RPRD2: variants seen among roughly 807,000 people sequenced by gnomAD.
RPRD2 encodes the protein regulation of nuclear pre-mRNA domain containing 2.
In RPRD2, 12 loss-of-function variants were observed where a neutral mutation model predicts 104.4. The ratio of observed to expected loss-of-function variants is 0.11; its 90% CI spans 0.07 to 0.19. The LOEUF is 0.19. RPRD2 is among the 10% of genes least tolerant of loss of function. RPRD2 has a pLI of 1.00. For synonymous variants in RPRD2, 714 were observed against 684.9 expected, an observed-to-expected ratio of 1.04 and a Z score of -0.66; for missense variants, 1,543 against 1,790.1, an observed-to-expected ratio of 0.86 and a Z score of 2.49.
intron 7 of RPRD2, among the ~76,000 whole-genome samples, chr1:150,455,624 T>C (rs1401393500): frequency 8.7e-6 from 1 of 114,456 alleles, no homozygotes; most frequent in Non-Finnish European, 1.9e-5. Flanking sequence ...GAAAAGGACA[T>C]TAGGTAAAAA....
At chr1:150,462,455 C>CA (rs1309078774) in intron 9 of RPRD2, among the ~76,000 whole-genome samples, 12 of 137,862 alleles carry the variant, frequency 8.7e-5, no homozygotes, top group Non-Finnish European at 1.7e-4. Context: ...CAAAAAAAAA[C>CA]AAAAAACAAA....
intron 8 of RPRD2, among the ~76,000 whole-genome samples, chr1:150,458,935 G>C (rs1667732471): frequency 6.6e-6 from 1 of 152,170 alleles, no homozygotes; most frequent in South Asian, 2.1e-4. Context: ...GAGCCACCAT[G>C]CCCGGCCCTG....
intron 1 of RPRD2, among the ~76,000 whole-genome samples, chr1:150,366,857 T>C (rs782087641): frequency 6.6e-6 from 1 of 152,232 alleles, no homozygotes; most frequent in African/African-American, 2.4e-5. Context: ...GCTCTGGGGC[T>C]TTAACTGTAT....
At position 150,387,869 on chromosome 1, in the gene RPRD2, C is replaced by T. The variant is rs147938705; in HGVS notation, c.205+22950C>T. ...CCTCCCAAAGTGCTAGGATTACAGG[C>T]GTGAGCCACTGCTCCTGGCCATTTT... is the stretch of plus-strand genomic sequence containing the variant. On this transcript the variant is annotated intron_variant, in intron 1 of 10. Coordinates refer to ENST00000369068, the MANE Select transcript of RPRD2 (RefSeq NM_015203.5). Among the ~76,000 whole-genome samples the T allele has an allele frequency of 2.0e-5, 3 of 148,610 alleles. No individual in the cohort carries two copies. In the East Asian group the frequency reaches 5.9e-4, roughly 29 times the overall value.
At chr1:150,422,639 G>A (rs1195319915) in intron 2 of RPRD2, among the ~76,000 whole-genome samples, 3 of 152,002 alleles carry the variant, frequency 2.0e-5, no homozygotes, top group African/African-American at 7.2e-5. Context: ...AACTTTTCTC[G>A]CTTTTAAACC....
rs1323691578 is a variant in RPRD2 at position 150,447,336 on chromosome 1, T to G, written c.870+935T>G. On this transcript the variant is annotated intron_variant, in intron 7 of 10. Transcript: ENST00000369068. Reference sequence around the variant, plus strand: ...TGTAAATTGACTGAATTAAGGAACTTTTTTTTTTTTTTTTTGAGACGGAGT... The same window carrying G: ...TGTAAATTGACTGAATTAAGGAACTGTTTTTTTTTTTTTTTGAGACGGAGT... 2.5e-4 allele frequency among the ~76,000 whole-genome samples: 22 copies of G among 86,772 alleles called. No homozygotes were observed. In the East Asian group the frequency reaches 4.6e-3, roughly 18 times the overall value. The allele number at this position is 86,772 out of a possible 152,430, so 56.9% of individuals were successfully genotyped here.
At chr1:150,438,417 G>A (rs1041103584) in intron 2 of RPRD2, among the ~76,000 whole-genome samples, 1 of 152,072 alleles carries the variant, frequency 6.6e-6, no homozygotes, top group Non-Finnish European at 1.5e-5. Flanking sequence ...CTTGAGGTCG[G>A]GAGTTCAAGA....
intron 1 of RPRD2, among the ~76,000 whole-genome samples, chr1:150,369,488 G>T: frequency 9.4e-6 from 1 of 106,392 alleles, no homozygotes; most frequent in African/African-American, 3.5e-5. Flanking sequence ...ACGGAGTCTT[G>T]CTCTGTCGCC....
In RPRD2 at chr1:150,472,035, T is replaced by C. The variant is rs766224782; in HGVS notation, c.3087T>C (p.Ala1029=). Residue 1029 remains alanine, a synonymous_variant, in exon 11 of 11, where the codon GCT becomes GCC. Transcript: ENST00000369068. ...CAGATGATAAGCATTTTGGCCAGGC[T>C]CCCAGCAAGGGCACTCCAAGTGATG... The part of the protein sequence containing the change: ...KPSDDKHFGQ[A]PSKGTPSDGV... The C allele has an allele frequency of 2.5e-6, 4 of 1,613,794 alleles. No individual in the cohort carries two copies. In the Admixed American group the frequency reaches 6.7e-5, roughly 27 times the overall value.
intron 5 of RPRD2, among the ~76,000 whole-genome samples, chr1:150,443,848 TAA>T (rs5777727): frequency 0.33 from 48,510 of 145,132 alleles, 8,560 homozygotes; most frequent in Non-Finnish European, 0.4. Flanking sequence ...TACTAAAAAT[TAA>T]AAAAAAAAAA....
intron 3 of RPRD2, chr1:150,441,322 A>T (rs1280329811): frequency 3.5e-6 from 1 of 285,848 alleles, no homozygotes; most frequent in Non-Finnish European, 6.5e-6. Flanking sequence ...CAAATGGTTC[A>T]TTGTTTGTGT....
intron 1 of RPRD2, among the ~76,000 whole-genome samples, chr1:150,370,865 C>T (rs182952974): frequency 2.0e-5 from 3 of 152,138 alleles, no homozygotes; most frequent in East Asian, 1.9e-4. Flanking sequence ...CATGAGCCAC[C>T]GCACTCTTCT....
intron 1 of RPRD2, among the ~76,000 whole-genome samples, chr1:150,403,653 A>AT (rs1560173578): frequency 2.1e-5 from 3 of 141,240 alleles, no homozygotes; most frequent in African/African-American, 8.3e-5. Context: ...CTTTTACCCA[A>AT]TATTTTTTTT....
In RPRD2 at chr1:150,472,191, G is replaced by A. The variant is rs753801699; in HGVS notation, c.3243G>A (p.Lys1081=). Residue 1081 remains lysine (K), a synonymous_variant, in exon 11 of 11, where the codon AAG becomes AAA. Transcript: ENST00000369068. ...ACTTGCCTGATAGCACAGAAGAAAA[G>A]GGGGCCCCTATAGAAACCTTGGGTT... ...CLDLPDSTEE[K]GAPIETLGYH... is the part of the protein sequence containing the mutation. 4.3e-6 allele frequency: 7 copies of A among 1,613,828 alleles called. No individual in the cohort carries two copies. The highest frequency in any genetic ancestry group is 5.9e-6 in the Non-Finnish European group (7 of 1,179,896).
rs1560233763 is a variant in RPRD2 at position 150,473,097 on chromosome 1, T to A, written c.4149T>A (p.His1383Gln). The stretch of plus-strand genomic sequence containing the variant: ...CTCTGGAACACCTGGGCCCACCCCA[T>A]GGAGGAGGAGGTGGGGGAGGCAGCA... ...SHSLEHLGPP[H>Q]GGGGGGGSNS... The change falls in exon 11 of 11, where the codon CAT (histidine) becomes CAA (glutamine). Residue 1383 changes from histidine (H) to glutamine (Q), a missense_variant. By Grantham distance (24) the His-to-Gln change is conservative. Transcript: ENST00000369068. 6.2e-7 allele frequency: 1 copy of A among 1,613,960 alleles called. No homozygotes were observed.
chr1:150,417,845 A>G, intron 2 of RPRD2, 120 bp downstream of exon 2: 1 of 664,142 alleles, frequency 1.5e-6, no homozygotes, highest in Non-Finnish European at 2.2e-6. Context: ...AATTTGCCTA[A>G]ATGGTTGATT....
intron 2 of RPRD2, 76 bp from the exon 3 acceptor site, chr1:150,440,847 A>G: frequency 1.4e-6 from 1 of 732,060 alleles, no homozygotes. Flanking sequence ...TTTATTGATA[A>G]CTTTATTTTC....
intron 7 of RPRD2, among the ~76,000 whole-genome samples, chr1:150,448,707 A>G (rs1213631603): frequency 2.0e-5 from 3 of 152,114 alleles, no homozygotes; most frequent in African/African-American, 4.8e-5. Flanking sequence ...TAGCCTTTCT[A>G]AATTCTCCAT....
rs2318286 is a variant in RPRD2, at chr1:150,442,255, A to C, written c.514+297A>C. ...AAGAAAAAAATACTTGATAGTGTCC[A>C]GGATAATTTTCAGGTTCAAGGATAT... On this transcript the variant is annotated intron_variant, in intron 4 of 10. Transcript: ENST00000369068. 7.7e-4 allele frequency among the ~76,000 whole-genome samples: 118 copies of C among 152,314 alleles called. No individual in the cohort carries two copies. In the South Asian group the frequency reaches 7.9e-3, roughly 10 times the overall value.
Sources: allele counts gnomAD v4.1 joint callset (sites outside exome capture counted in the v4.1 genomes callset), GRCh38; gene constraint gnomAD v4.1.1; transcripts MANE v1.5; gene names NCBI Gene and HGNC (gene_info 2026-07-23, HGNC 2026-07-21).